The following MED14 variants were observed in gnomAD, a reference collection of about 807,000 sequenced individuals.
MED14 encodes the protein mediator of RNA polymerase II transcription subunit 14.
MED14 carries 8 observed loss-of-function variants against 109.0 expected under a neutral mutation model. The ratio of observed to expected loss-of-function variants is 0.07; its 90% CI spans 0.04 to 0.13. MED14 has a LOEUF of 0.13. Ranked by LOEUF, MED14 falls within the 10% of genes least tolerant of loss-of-function variation. The probability of loss-of-function intolerance (pLI) is 1.00; values close to 1 mark genes in which losing one functional copy is unlikely to be tolerated. For missense variants in MED14, 711 were observed against 1,142.4 expected, an observed-to-expected ratio of 0.62 and a Z score of 5.44; for synonymous variants, 399 against 408.7, an observed-to-expected ratio of 0.98 and a Z score of 0.29.
chrX:40,735,635 T>TGGGGGGGAAGC (rs1556002401), upstream of MED14: 3 of 494,267 alleles, frequency 6.1e-6, no homozygotes, highest in Non-Finnish European at 1.1e-5. Context: ...GAGGCGGGGA[T>TGGGGGGGAAGC]GGGGGGGAAG....
intron 3 of MED14, among the ~76,000 whole-genome samples, chrX:40,722,046 C>G (rs1409031175): frequency 9.0e-6 from 1 of 111,204 alleles, no homozygotes; most frequent in Non-Finnish European, 1.9e-5. Flanking sequence ...ATACCTAACT[C>G]TTTGAGGCCC....
At chrX:40,693,628 G>A (rs1930616328) in intron 13 of MED14, among the ~76,000 whole-genome samples, 1 of 111,312 alleles carries the variant, frequency 9.0e-6, no homozygotes, top group African/African-American at 3.3e-5. Flanking sequence ...AGATTTTCTA[G>A]AATGGTATCT....
intron 26 of MED14, among the ~76,000 whole-genome samples, chrX:40,660,221 G>C (rs1394007420): frequency 8.9e-6 from 1 of 111,801 alleles, no homozygotes; most frequent in Non-Finnish European, 1.9e-5. Flanking sequence ...GTGAAAATCT[G>C]GGGGGAGGAG....
chrX:40,703,889 C>G (rs1426368604), intron 10 of MED14, among the ~76,000 whole-genome samples: 2 of 112,284 alleles, frequency 1.8e-5, no homozygotes, highest in Non-Finnish European at 3.8e-5. Context: ...GTTTTACTTT[C>G]ACTTGGTAAT....
chrX:40,661,657 A>G lies in MED14; in HGVS notation c.3684+1268T>C, dbSNP rs1422606714. On this transcript the variant is annotated intron_variant, in intron 26 of 30. Transcript: ENST00000324817. ...CACACAACTGTTATCAGTTAGGTAAATACTATTATCTGAAGAAATTTGCCT... is the reference window on the plus strand; with the variant it reads ...CACACAACTGTTATCAGTTAGGTAAGTACTATTATCTGAAGAAATTTGCCT... 2.7e-5 allele frequency among the ~76,000 whole-genome samples: 3 copies of G among 112,451 alleles called. No homozygotes were observed. The Admixed American group carries it at 2.8e-4, about 11-fold the overall frequency.
upstream of MED14, chrX:40,735,629 C>T (rs909978652): frequency 2.0e-6 from 1 of 499,274 alleles, no homozygotes; most frequent in Non-Finnish European, 3.6e-6. Flanking sequence ...CGGGGGGAGG[C>T]GGGGATGGGG....
rs185791590 is a variant in MED14 at position 40,701,835 on chromosome X, A to G, written c.1412-592T>C. 9.3e-3 allele frequency among the ~76,000 whole-genome samples: 1,043 copies of G among 111,720 alleles called. 5 individuals carry two copies. Among genetic ancestry groups the G allele is most frequent in the Middle Eastern group, 0.041 (9 of 217 alleles). On this transcript the variant is annotated intron_variant, in intron 11 of 30. Coordinates refer to ENST00000324817, the MANE Select transcript of MED14 (RefSeq NM_004229.4). ...GGGACAAAGTATAGAAAAAATTAGA[A>G]AAGCACTGCTATGGGGTCAACTATG...
chrX:40,685,910 C>A (rs1477596984), intron 16 of MED14, among the ~76,000 whole-genome samples: 1 of 112,082 alleles, frequency 8.9e-6, no homozygotes, highest in Non-Finnish European at 1.9e-5. Context: ...AACTCATATT[C>A]ATATTCAATA....
intron 22 of MED14, among the ~76,000 whole-genome samples, chrX:40,672,271 A>G (rs6610455): frequency 0.029 from 3,235 of 112,105 alleles, 106 homozygotes; most frequent in Admixed American, 0.12. Flanking sequence ...ATTTATCTCT[A>G]TTATTTATCT....
chrX:40,707,761 A>G (rs1228797679), intron 10 of MED14, among the ~76,000 whole-genome samples: 2 of 112,011 alleles, frequency 1.8e-5, no homozygotes, highest in Non-Finnish European at 3.8e-5. Flanking sequence ...GGGAGGCAGG[A>G]AGGGAGAGGA....
chrX:40,650,668 G>A lies in MED14; in HGVS notation c.*1138C>T. 1.3e-6 allele frequency: 1 copy of A among 754,240 alleles called. No homozygotes were observed. The highest frequency in any genetic ancestry group is 1.6e-6 in the Non-Finnish European group (1 of 639,331). The allele number at this position is 754,240 out of a possible 1,213,427, so 62.2% of individuals were successfully genotyped here. On this transcript the variant is annotated 3_prime_UTR_variant, in exon 31 of 31. Coordinates refer to ENST00000324817, the MANE Select transcript of MED14 (RefSeq NM_004229.4). ...AATACCAAAAACTCCATTTGACCCTGGACAGGCCCAGGATTCGGGATTCTT... is the reference window on the plus strand; with the variant it reads ...AATACCAAAAACTCCATTTGACCCTAGACAGGCCCAGGATTCGGGATTCTT...
At chrX:40,735,723 T>C (rs55916251), upstream of MED14, 5 of 430,717 alleles carry the variant, frequency 1.2e-5, no homozygotes, top group East Asian at 5.1e-5. Context: ...GCAACGTACA[T>C]GTTGACTGCC....
intron 13 of MED14, among the ~76,000 whole-genome samples, chrX:40,696,421 G>A (rs1479672572): frequency 1.8e-5 from 2 of 110,903 alleles, no homozygotes; most frequent in Non-Finnish European, 3.8e-5. Flanking sequence ...TTACAGGTGT[G>A]AGCCACCGTG....
intron 10 of MED14, among the ~76,000 whole-genome samples, chrX:40,704,003 T>G (rs1049294553): frequency 1.8e-5 from 2 of 112,477 alleles, no homozygotes; most frequent in African/African-American, 6.5e-5. Flanking sequence ...CTCATGATTT[T>G]CAATGCCATT....
intron 7 of MED14, 85 bp from the exon 8 acceptor site, chrX:40,711,386 T>C: frequency 1.3e-6 from 1 of 791,689 alleles, no homozygotes; most frequent in Non-Finnish European, 1.7e-6. Flanking sequence ...AAGGTTCTCT[T>C]ATTGAAAACC....
chrX:40,682,643 T>C lies in MED14; in HGVS notation c.2325A>G (p.Arg775=). The change falls in exon 18 of 31, where the codon CGA becomes CGG. Residue 775 remains arginine, a synonymous_variant. Coordinates refer to ENST00000324817, the MANE Select transcript of MED14 (RefSeq NM_004229.4). The part of the protein sequence containing the change: ...MFLNDWNSIA[R]LYECVLEFAR... ...CAAATTCCAACACACACTCATATAA[T>C]CGTGCAATGCTATTCCAGTCATTAA... 1 of 1,193,949 alleles carries C rather than the reference T, an allele frequency of 8.4e-7. No homozygotes were observed. Among genetic ancestry groups the C allele is most frequent in the Non-Finnish European group, 1.1e-6 (1 of 885,437 alleles).
intron 25 of MED14, among the ~76,000 whole-genome samples, chrX:40,663,546 T>A (rs1217977318): frequency 8.9e-6 from 1 of 111,751 alleles, no homozygotes; most frequent in Non-Finnish European, 1.9e-5. Context: ...AAACCTCAGA[T>A]CAAGTGTGAA....
Position 40,668,895 on chromosome X carries a change from G to C in MED14, c.3134-2044C>G, listed in dbSNP as rs749609771. Among the ~76,000 whole-genome samples the C allele has an allele frequency of 2.7e-4, 30 of 111,787 alleles. No individual in the cohort carries two copies. The South Asian group carries it at 0.011, about 42-fold the overall frequency. On this transcript the variant is annotated intron_variant, in intron 23 of 30. Coordinates refer to ENST00000324817, the MANE Select transcript of MED14 (RefSeq NM_004229.4). ...ACTTGCCCATTTTTGGTCCTCAGTT[G>C]ACCTCAGGCCAACTAAAACCTTGGA...
upstream of MED14, chrX:40,735,780 C>T (rs903603770): frequency 5.5e-6 from 2 of 363,656 alleles, no homozygotes; most frequent in Non-Finnish European, 1.0e-5. Flanking sequence ...CTGCAGAGGA[C>T]CTTCCGACAG....
Sources: allele counts gnomAD v4.1 joint callset (sites outside exome capture counted in the v4.1 genomes callset), GRCh38; gene constraint gnomAD v4.1.1; transcripts MANE v1.5; gene names NCBI Gene and HGNC (gene_info 2026-07-23, HGNC 2026-07-21).